SULT1C3: variants seen among roughly 807,000 people sequenced by gnomAD.
The protein encoded by SULT1C3 is sulfotransferase family 1C member 3.
In SULT1C3, 31 loss-of-function variants were observed where a neutral mutation model predicts 28.4. The observed-to-expected ratio is 1.09, with a 90% confidence interval of 0.82 to 1.47. The LOEUF (loss-of-function observed/expected upper bound fraction) is 1.47. Among genes scored for constraint, SULT1C3 ranks in the 40% most tolerant of loss-of-function variants. The probability of loss-of-function intolerance (pLI) is 0.00; values close to 1 mark genes in which losing one functional copy is unlikely to be tolerated. For synonymous variants in SULT1C3, 106 were observed against 92.2 expected (o/e 1.15, Z -0.86); for missense variants, 307 against 272.5 (o/e 1.13, Z -0.89).
At chr2:108,242,479 G>C (rs1675485756) in intron 1 of SULT1C3, among the ~76,000 whole-genome samples, 1 of 152,106 alleles carries the variant, frequency 6.6e-6, no homozygotes, top group Admixed American at 6.5e-5. Context: ...TCCCCCCATA[G>C]AAGTCTTATT....
At chr2:108,257,161 A>T (rs569687547) in intron 5 of SULT1C3, among the ~76,000 whole-genome samples, 1 of 151,972 alleles carries the variant, frequency 6.6e-6, no homozygotes, top group Non-Finnish European at 1.5e-5. Flanking sequence ...AGAAAAGGAG[A>T]TAATGTTAAA....
chr2:108,247,818 A>G (rs1558662284), intron 2 of SULT1C3, among the ~76,000 whole-genome samples: 2 of 152,172 alleles, frequency 1.3e-5, no homozygotes, highest in East Asian at 3.8e-4. Flanking sequence ...CTCTGTACCA[A>G]ATTAGTCTCA....
chr2:108,259,889 C>T (rs1675978024), intron 7 of SULT1C3, among the ~76,000 whole-genome samples: 1 of 152,108 alleles, frequency 6.6e-6, no homozygotes, highest in Non-Finnish European at 1.5e-5. Context: ...ATCAAAATTA[C>T]CTTTAAAAAC....
chr2:108,258,292 C>G (rs1218125529), intron 5 of SULT1C3, among the ~76,000 whole-genome samples: 1 of 152,068 alleles, frequency 6.6e-6, no homozygotes, highest in African/African-American at 2.4e-5. Context: ...ACAGCCTCAG[C>G]TGGAAATAGA....
intron 2 of SULT1C3, among the ~76,000 whole-genome samples, chr2:108,251,328 T>C (rs185943525): frequency 3.9e-5 from 6 of 152,086 alleles, no homozygotes; most frequent in Middle Eastern, 6.8e-3. Context: ...TTAAAATAAT[T>C]AGATAAAATA....
At chr2:108,253,308 C>T in intron 3 of SULT1C3, 37 bp from the exon 4 acceptor site, 2 of 1,379,346 alleles carry the variant, frequency 1.4e-6, no homozygotes, top group Admixed American at 2.4e-5. Context: ...GGCAGAGTGC[C>T]AAGAATAAAC....
chr2:108,259,986 C>T (rs867564029), intron 7 of SULT1C3, among the ~76,000 whole-genome samples: 3 of 152,108 alleles, frequency 2.0e-5, no homozygotes, highest in Admixed American at 2.0e-4. Flanking sequence ...TCAGATTAAT[C>T]CTCTTGTCAA....
At chr2:108,240,478 G>T (rs1675440703) in intron 1 of SULT1C3, among the ~76,000 whole-genome samples, 1 of 152,188 alleles carries the variant, frequency 6.6e-6, no homozygotes, top group Non-Finnish European at 1.5e-5. Flanking sequence ...TACTTACCAA[G>T]ATATAGAATT....
chr2:108,263,884 T>G (rs1558668325), downstream of SULT1C3, among the ~76,000 whole-genome samples: 2 of 152,222 alleles, frequency 1.3e-5, no homozygotes, highest in Non-Finnish European at 2.9e-5. Flanking sequence ...AAATAGCACA[T>G]GCTTTATAGT....
At chr2:108,264,866 A>G (rs1238099594), downstream of SULT1C3, 3 of 1,613,552 alleles carry the variant, frequency 1.9e-6, no homozygotes, top group Admixed American at 5.0e-5. Context: ...AGTTCCTGGA[A>G]AAAGACATAT....
chr2:108,251,375 C>T (rs1675721595), intron 2 of SULT1C3, among the ~76,000 whole-genome samples: 1 of 152,082 alleles, frequency 6.6e-6, no homozygotes, highest in East Asian at 1.9e-4. Context: ...ACTGAAATGT[C>T]ACCACATAGT....
rs1456908786 is a variant in SULT1C3, at chr2:108,252,483, A to C, written c.291A>C (p.Lys97Asn). 3 of 1,612,068 alleles carry C rather than the reference A, an allele frequency of 1.9e-6. No individual in the cohort carries two copies. The stretch of plus-strand genomic sequence containing the variant: ...TCCTTGAACTGAAATTTCCCCATAA[A>C]GAAAAACCAGGTGAGTAATATGCAC... Reference protein sequence around the residue: ...HAFLELKFPHKEKPDLEFVLE... With the variant: ...HAFLELKFPHNEKPDLEFVLE... Residue 97 changes from lysine to asparagine, a missense_variant, in exon 3 of 8, where the codon AAA becomes AAC. Lys to Asn is a moderately conservative substitution (Grantham distance 94, BLOSUM62 0). Coordinates refer to ENST00000681802, the MANE Select transcript of SULT1C3 (RefSeq NM_001320878.2).
At chr2:108,248,836 A>G (rs1394935796) in intron 2 of SULT1C3, among the ~76,000 whole-genome samples, 5 of 152,178 alleles carry the variant, frequency 3.3e-5, no homozygotes, top group Admixed American at 3.3e-4. Context: ...CTATTAAACT[A>G]TCTAATCAGC....
intron 1 of SULT1C3, among the ~76,000 whole-genome samples, chr2:108,246,150 G>T (rs1279323822): frequency 1.3e-5 from 2 of 152,040 alleles, no homozygotes; most frequent in African/African-American, 2.4e-5. Flanking sequence ...TATCATTATT[G>T]GCATTTTTGT....
At chr2:108,253,147 A>G (rs913339101) in intron 3 of SULT1C3, among the ~76,000 whole-genome samples, 198 bp from the exon 4 acceptor site, 1 of 152,130 alleles carries the variant, frequency 6.6e-6, no homozygotes, top group Non-Finnish European at 1.5e-5. Flanking sequence ...AGCTGAGAGA[A>G]TAAGAGGAAA....
At chr2:108,264,812 G>A (rs1676094543), downstream of SULT1C3, 3 of 1,599,102 alleles carry the variant, frequency 1.9e-6, no homozygotes, top group South Asian at 1.1e-5. Context: ...TGGTGTGACT[G>A]TTCCACATAC....
chr2:108,261,140 AT>A (rs1366914971), downstream of SULT1C3, among the ~76,000 whole-genome samples: 1 of 152,164 alleles, frequency 6.6e-6, no homozygotes, highest in African/African-American at 2.4e-5. Context: ...TGATAAGTAC[AT>A]TTCAGAGTCA....
chr2:108,244,933 T>A (rs1675542748), intron 1 of SULT1C3, among the ~76,000 whole-genome samples: 1 of 152,206 alleles, frequency 6.6e-6, no homozygotes, highest in African/African-American at 2.4e-5. Flanking sequence ...CCACTTTTTC[T>A]TCAAAGTTTC....
At chr2:108,258,231 T>C (rs769390892) in intron 5 of SULT1C3, among the ~76,000 whole-genome samples, 11 of 152,062 alleles carry the variant, frequency 7.2e-5, no homozygotes, top group Non-Finnish European at 1.5e-4. Flanking sequence ...GTCCACTCAT[T>C]CTCTTACCAA....
Sources: gnomAD v4.1 joint callset for allele counts (sites outside exome capture counted in the v4.1 genomes callset) on GRCh38, gnomAD v4.1.1 for gene constraint, MANE v1.5 for transcripts, NCBI Gene and HGNC (gene_info 2026-07-23, HGNC 2026-07-21) for gene names.